The following LMF1 variants were observed in gnomAD, a reference collection of about 807,000 sequenced individuals.
LMF1 encodes lipase maturation factor 1, also known as transmembrane protein 112.
Under a neutral mutation model 60.6 loss-of-function variants are expected in LMF1, and 68 were observed. That is an observed-to-expected ratio of 1.12 (90% CI 0.92 to 1.37). The LOEUF (loss-of-function observed/expected upper bound fraction) is 1.37, where lower values mean the gene tolerates loss of function less well. Among genes scored for constraint, LMF1 ranks in the 40% most tolerant of loss-of-function variants. LMF1 has a pLI of 0.00. For missense variants in LMF1, 948 were observed against 767.2 expected (o/e 1.24, Z -2.78); for synonymous variants, 418 against 324.7 (o/e 1.29, Z -3.09).
chr16:874,932 G>A lies in LMF1; in HGVS notation c.898-3591C>T, dbSNP rs1374310588. The stretch of plus-strand genomic sequence containing the variant: ...GACACCCTCTGCCCTGTACGCCTGT[G>A]GGGGCAAAAGCCCTAGTTCAAGACC... On this transcript the variant is annotated intron_variant, in intron 6 of 10. Transcript: ENST00000262301. The surrounding 1 kb of genome is among the most constrained non-coding windows in gnomAD (Gnocchi z 4.1). Among the ~76,000 whole-genome samples, 1 of 152,154 alleles carries A rather than the reference G, an allele frequency of 6.6e-6. No homozygotes were observed. The highest frequency in any genetic ancestry group is 6.5e-5 in the Admixed American group (1 of 15,282).
In LMF1 at chr16:887,755, G is replaced by A. The variant is rs116209186; in HGVS notation, c.729+5252C>T. ...CGCAGGTACCCTGGAAGGCATGGCC[G>A]TGGCCTGGGCCCGGAGTCAGGGTGC... On this transcript the variant is annotated intron_variant, in intron 5 of 10. Transcript: ENST00000262301. Among the ~76,000 whole-genome samples, 813 of 152,308 alleles carry A rather than the reference G, an allele frequency of 5.3e-3. 10 individuals carry two copies. The highest frequency in any genetic ancestry group is 0.019 in the African/African-American group (770 of 41,578).
intron 5 of LMF1, among the ~76,000 whole-genome samples, chr16:892,099 G>A (rs995644822): frequency 7.9e-5 from 12 of 152,206 alleles, no homozygotes; most frequent in African/African-American, 1.7e-4. Flanking sequence ...ACCAAGACCC[G>A]GAATCGCAGC....
chr16:881,522 A>G (rs571346330), intron 5 of LMF1: 2 of 152,440 alleles, frequency 1.3e-5, no homozygotes, highest in African/African-American at 4.8e-5. Flanking sequence ...AGACAATTTT[A>G]AATAAGAAAA....
chr16:909,933 G>A (rs1372866668), intron 4 of LMF1, among the ~76,000 whole-genome samples: 1 of 152,258 alleles, frequency 6.6e-6, no homozygotes, highest in Non-Finnish European at 1.5e-5. Flanking sequence ...CAAGTTCCTT[G>A]GGGCAGTGCC....
chr16:856,409 A>G (rs894642673), intron 10 of LMF1, among the ~76,000 whole-genome samples: 1 of 152,166 alleles, frequency 6.6e-6, no homozygotes, highest in Admixed American at 6.5e-5. Context: ...TGCGGGCAGC[A>G]TGGTCCCTGC....
intron 2 of LMF1, among the ~76,000 whole-genome samples, chr16:954,061 A>T (rs2729574): frequency 1.0e-5 from 1 of 96,548 alleles, no homozygotes; most frequent in African/African-American, 3.7e-5. Flanking sequence ...ACACAGACAC[A>T]GACCCACTGC....
chr16:969,275 G>A (rs142410147), intron 1 of LMF1, among the ~76,000 whole-genome samples: 1,671 of 152,150 alleles, frequency 0.011, 25 homozygotes, highest in African/African-American at 0.038. Context: ...ACATGGTGCC[G>A]TTGCGCTCCA....
At chr16:944,410 C>T (rs756591035) in intron 2 of LMF1, among the ~76,000 whole-genome samples, 6 of 152,226 alleles carry the variant, frequency 3.9e-5, no homozygotes, top group African/African-American at 7.2e-5. Flanking sequence ...AATGCCTTGC[C>T]GCACAAATGC....
chr16:908,758 G>C (rs1242108118), intron 4 of LMF1, among the ~76,000 whole-genome samples: 1 of 152,250 alleles, frequency 6.6e-6, no homozygotes, highest in Non-Finnish European at 1.5e-5. Context: ...TGAGGACCTA[G>C]AGTAAGCACC....
intron 3 of LMF1, among the ~76,000 whole-genome samples, chr16:931,957 A>C (rs1250638070): frequency 6.6e-6 from 1 of 152,222 alleles, no homozygotes; most frequent in African/African-American, 2.4e-5. Context: ...ACCCAGGGAG[A>C]CACAAACGCA....
At chr16:861,810 A>C (rs2069475634) in intron 10 of LMF1, among the ~76,000 whole-genome samples, 1 of 152,170 alleles carries the variant, frequency 6.6e-6, no homozygotes, top group Non-Finnish European at 1.5e-5. Flanking sequence ...CAGCGCTTCC[A>C]GCACCATGCC....
chr16:952,098 G>A (rs909937071), intron 2 of LMF1, among the ~76,000 whole-genome samples: 4 of 152,210 alleles, frequency 2.6e-5, no homozygotes, highest in Admixed American at 6.5e-5. Context: ...GCGGAGCCAC[G>A]TTGTGGGTGC....
At chr16:940,866 G>T (rs2072083438) in intron 2 of LMF1, among the ~76,000 whole-genome samples, 1 of 152,110 alleles carries the variant, frequency 6.6e-6, no homozygotes, top group Admixed American at 6.5e-5. Context: ...TTGTTTAGTT[G>T]TTCTTTCAAT....
rs770440593 is a variant in LMF1, at chr16:871,348, A to T, written c.898-7T>A. Reference sequence around the variant, plus strand: ...CGCTGACGATGAGGACGGCCTGTGGAGACGCCGCAGCTGAGTCTCGTGCAG... The same window carrying T: ...CGCTGACGATGAGGACGGCCTGTGGTGACGCCGCAGCTGAGTCTCGTGCAG... On this transcript the variant is annotated splice_region_variant and splice_polypyrimidine_tract_variant and intron_variant, in intron 6 of 10. Transcript: ENST00000262301. The T allele has an allele frequency of 6.2e-7, 1 of 1,611,106 alleles. No homozygotes were observed. Among genetic ancestry groups the T allele is most frequent in the South Asian group, 1.1e-5 (1 of 90,918 alleles).
At chr16:955,380 C>T (rs1408572196) in intron 1 of LMF1, among the ~76,000 whole-genome samples, 2 of 148,434 alleles carry the variant, frequency 1.3e-5, no homozygotes, top group African/African-American at 5.0e-5. Context: ...GTGCCCGCAG[C>T]AGACGCGGTG....
chr16:960,198 C>T (rs1465757797), intron 1 of LMF1, among the ~76,000 whole-genome samples: 1 of 152,220 alleles, frequency 6.6e-6, no homozygotes. Context: ...GGAAGCATCC[C>T]TGCGGGGAAG....
chr16:940,818 T>G (rs187803891), intron 2 of LMF1, among the ~76,000 whole-genome samples: 2 of 152,330 alleles, frequency 1.3e-5, no homozygotes, highest in East Asian at 3.9e-4. Context: ...AAGTGGCCGA[T>G]AGTGCCGTTC....
At chr16:866,083 T>G (rs2069601479) in intron 10 of LMF1, among the ~76,000 whole-genome samples, 1 of 152,262 alleles carries the variant, frequency 6.6e-6, no homozygotes. Context: ...GAAGTCACTC[T>G]AATACCTCCC....
intron 10 of LMF1, among the ~76,000 whole-genome samples, chr16:867,378 G>T (rs558903407): frequency 6.6e-6 from 1 of 152,184 alleles, no homozygotes; most frequent in Non-Finnish European, 1.5e-5. Context: ...CTTCCGTCAC[G>T]ACCTGACGAT....
Sources: allele counts gnomAD v4.1 joint callset (sites outside exome capture counted in the v4.1 genomes callset), GRCh38; gene constraint gnomAD v4.1.1; non-coding constraint Gnocchi (gnomAD v3.1); transcripts MANE v1.5; gene names NCBI Gene and HGNC (gene_info 2026-07-23, HGNC 2026-07-21).